Variants in RRAGC observed in about 807,000 individuals in gnomAD.
RRAGC encodes Ras related GTP binding C, also known as ras-related GTP-binding protein C.
RRAGC carries 8 observed loss-of-function variants against 37.1 expected under a neutral mutation model. The observed-to-expected ratio is 0.22, with a 90% CI of 0.13 to 0.39. The LOEUF is 0.39. Ranked by LOEUF, RRAGC falls within the 10% of genes least tolerant of loss-of-function variation. The probability of loss-of-function intolerance (pLI) is 1.00; values close to 1 mark genes in which losing one functional copy is unlikely to be tolerated. For synonymous variants in RRAGC, 190 were observed against 181.1 expected (o/e 1.05, Z -0.39); for missense variants, 342 against 497.6 (o/e 0.69, Z 2.98).
At chr1:38,850,831 CTCTT>C (rs1248405647) in intron 5 of RRAGC, among the ~76,000 whole-genome samples, 1 of 145,546 alleles carries the variant, frequency 6.9e-6, no homozygotes, top group South Asian at 2.2e-4. Context: ...ATGTTATTAA[CTCTT>C]TTTTTGTTGT....
intron 5 of RRAGC, 87 bp from the exon 6 acceptor site, chr1:38,846,174 TC>T: frequency 2.0e-6 from 2 of 1,021,420 alleles, no homozygotes; most frequent in Non-Finnish European, 3.0e-6. Flanking sequence ...CCACCCAGTT[TC>T]CCAAATGTCT....
intron 3 of RRAGC, among the ~76,000 whole-genome samples, chr1:38,854,898 T>C (rs1642148627): frequency 6.6e-6 from 1 of 152,190 alleles, no homozygotes; most frequent in Non-Finnish European, 1.5e-5. Context: ...TTAAGCTACT[T>C]CTATCGTCAA....
At chr1:38,845,917 C>CT (rs1252542297) in intron 6 of RRAGC, 22 bp downstream of exon 6, 4 of 1,576,962 alleles carry the variant, frequency 2.5e-6, no homozygotes, top group Non-Finnish European at 3.4e-6. Context: ...AACATAAAAA[C>CT]AGCTTTTTAA....
chr1:38,842,907 A>AAG (rs1641981281), intron 6 of RRAGC, among the ~76,000 whole-genome samples: 1 of 152,262 alleles, frequency 6.6e-6, no homozygotes, highest in Non-Finnish European at 1.5e-5. Flanking sequence ...CAAGTTGCAG[A>AAG]AGACTACTTA....
intron 3 of RRAGC, among the ~76,000 whole-genome samples, chr1:38,853,816 T>A (rs1336156621): frequency 2.0e-5 from 3 of 151,618 alleles, no homozygotes; most frequent in Admixed American, 2.0e-4. Flanking sequence ...AGGGGTCTAA[T>A]CTAGATGTAA....
rs1642037114 is a variant in RRAGC, at chr1:38,847,141, T to C, written c.900-1054A>G. The C allele has an allele frequency of 2.0e-5, 3 of 152,052 alleles. No individual in the cohort carries two copies. In the South Asian group the frequency reaches 6.2e-4, roughly 32 times the overall value. 9.4% of individuals were successfully genotyped at this position (152,052 alleles called of 1,614,324 possible). A position where few individuals can be genotyped will look rare whatever the true frequency, so the allele number is the denominator to read the frequency against. On this transcript the variant is annotated intron_variant, in intron 5 of 6. Coordinates refer to ENST00000373001, the MANE Select transcript of RRAGC (RefSeq NM_022157.4). ...AAAAAAGAAAAAAAGGAAAAGAAAA[T>C]GTCAGGAGTAACTGGTAATTTTCTT...
intron 6 of RRAGC, among the ~76,000 whole-genome samples, chr1:38,840,883 T>C (rs1202695231): frequency 1.3e-5 from 2 of 152,210 alleles, no homozygotes; most frequent in East Asian, 3.8e-4. Flanking sequence ...TCAACTACAT[T>C]AAAATTTATT....
intron 5 of RRAGC, among the ~76,000 whole-genome samples, chr1:38,849,750 A>C (rs1268703782): frequency 6.6e-6 from 1 of 152,242 alleles, no homozygotes; most frequent in Admixed American, 6.5e-5. Flanking sequence ...TTTTACAGTT[A>C]AATTTGATTT....
chr1:38,841,646 G>A (rs1397204002), intron 6 of RRAGC, among the ~76,000 whole-genome samples: 1 of 147,628 alleles, frequency 6.8e-6, no homozygotes, highest in Non-Finnish European at 1.5e-5. Flanking sequence ...TTACAGGTGT[G>A]AGCCACCACA....
Position 38,856,962 on chromosome 1 carries a change from G to T in RRAGC, c.358C>A (p.Gln120Lys). Residue 120 changes from glutamine to lysine, a missense_variant, in exon 2 of 7, where the codon CAA (glutamine) becomes AAA (lysine). Around this residue, in one of 3 missense-constraint regions of RRAGC, gnomAD observed 134 missense variants for 277.2 expected, o/e 0.48. Transcript: ENST00000373001. ...VNFQIWDFPG[Q>K]MDFFDPTFDY... Reference sequence around the variant, plus strand: ...AAGGTTGGGTCAAAAAAGTCCATTTGCCCAGGAAAATCCCATATCTGGAAA... The same window carrying T: ...AAGGTTGGGTCAAAAAAGTCCATTTTCCCAGGAAAATCCCATATCTGGAAA... The T allele has an allele frequency of 6.2e-7, 1 of 1,614,018 alleles. No individual in the cohort carries two copies. Among genetic ancestry groups the T allele is most frequent in the Non-Finnish European group, 8.5e-7 (1 of 1,179,968 alleles).
rs776606790 is a variant in RRAGC, at chr1:38,845,926, A to T, written c.1048+13T>A. On this transcript the variant is annotated intron_variant, in intron 6 of 6. Transcript: ENST00000373001. Reference sequence around the variant, plus strand: ...GAAATTAACATAAAAACAGCTTTTTAAAATGCTATTACCTTTTCTTTCAAA... The same window carrying T: ...GAAATTAACATAAAAACAGCTTTTTTAAATGCTATTACCTTTTCTTTCAAA... 1 of 1,581,998 alleles carries T rather than the reference A, an allele frequency of 6.3e-7. No homozygotes were observed. Among genetic ancestry groups the T allele is most frequent in the Non-Finnish European group, 8.5e-7 (1 of 1,170,312 alleles).
Position 38,839,357 on chromosome 1 carries a change from CA to C in RRAGC, c.*195del. 1 of 361,816 alleles carries C rather than the reference CA, an allele frequency of 2.8e-6. No homozygotes were observed. 22.4% of individuals were successfully genotyped at this position (361,816 alleles called of 1,614,324 possible). A position where few individuals can be genotyped will look rare whatever the true frequency, so the allele number is the denominator to read the frequency against. On this transcript the variant is annotated 3_prime_UTR_variant, in exon 7 of 7. Transcript: ENST00000373001. ...TTTTTTTTTTTTTTTTTGCCATTTT[CA>C]AAAAAGATATAGTAGCTTCAGTTGT...
At chr1:38,839,747 T>C in intron 6 of RRAGC, 43 bp from the exon 7 acceptor site, 4 of 1,592,636 alleles carry the variant, frequency 2.5e-6, no homozygotes, top group South Asian at 1.1e-5. Flanking sequence ...GAATTGTCAA[T>C]TGTGAAATTT....
At chr1:38,847,063 CTG>C (rs1167933265) in intron 5 of RRAGC, 1 of 152,108 alleles carries the variant, frequency 6.6e-6, no homozygotes, top group Non-Finnish European at 1.5e-5. Context: ...TGAACTGAGA[CTG>C]TGCCACTGCA....
intron 5 of RRAGC, chr1:38,846,372 G>C (rs1570862499): frequency 3.7e-6 from 1 of 269,078 alleles, no homozygotes. Context: ...AAATGACAAC[G>C]TTACCAACAT....
intron 6 of RRAGC, among the ~76,000 whole-genome samples, chr1:38,841,321 C>G (rs539424761): frequency 6.6e-6 from 1 of 152,044 alleles, no homozygotes; most frequent in East Asian, 1.9e-4. Context: ...AGGGACTCCT[C>G]GTGCTGCTCC....
chr1:38,842,507 G>A (rs1641977222), intron 6 of RRAGC, among the ~76,000 whole-genome samples: 1 of 152,118 alleles, frequency 6.6e-6, no homozygotes, highest in Non-Finnish European at 1.5e-5. Context: ...TAATTAAACA[G>A]TCTAACAATA....
At chr1:38,842,187 G>A (rs1641972418) in intron 6 of RRAGC, among the ~76,000 whole-genome samples, 2 of 152,136 alleles carry the variant, frequency 1.3e-5, no homozygotes, top group African/African-American at 4.8e-5. Context: ...CAGGAGAATG[G>A]CATGAACCCG....
chr1:38,855,456 CTT>C (rs144827441), intron 3 of RRAGC, among the ~76,000 whole-genome samples: 1,966 of 152,280 alleles, frequency 0.013, 33 homozygotes, highest in African/African-American at 0.044. Context: ...ACTCCAGTCT[CTT>C]GAGATGAATT....
Sources: gnomAD v4.1 joint callset for allele counts (sites outside exome capture counted in the v4.1 genomes callset) on GRCh38, gnomAD v4.1.1 for gene constraint, gnomAD v4.1.1 regional missense constraint, MANE v1.5 for transcripts, NCBI Gene and HGNC (gene_info 2026-07-23, HGNC 2026-07-21) for gene names.